The following NXPE2 variants were observed in gnomAD, a reference collection of about 807,000 sequenced individuals.
NXPE2 encodes the protein NXPE family member 2.
A neutral mutation model predicts 34.4 loss-of-function variants in NXPE2; 34 were observed. The ratio of observed to expected loss-of-function variants is 0.99; its 90% CI spans 0.75 to 1.31. The LOEUF (loss-of-function observed/expected upper bound fraction) is 1.31. Among genes scored for constraint, NXPE2 ranks in the 40% most tolerant of loss-of-function variants. NXPE2 has a pLI of 0.00. For missense variants in NXPE2, 649 were observed against 672.5 expected, an observed-to-expected ratio of 0.97 and a Z score of 0.39; for synonymous variants, 235 against 231.3, an observed-to-expected ratio of 1.02 and a Z score of -0.15.
At chr11:114,558,214 GTA>G in the NXPE2 span, among the ~76,000 whole-genome samples, 1 of 151,706 alleles carries the variant, frequency 6.6e-6, no homozygotes. Context: ...ATGTGTGTGT[GTA>G]TATATATATC....
chr11:114,515,029 C>T, the NXPE2 span, among the ~76,000 whole-genome samples: 1 of 151,978 alleles, frequency 6.6e-6, no homozygotes, highest in Non-Finnish European at 1.5e-5. Flanking sequence ...TCTGTATTGT[C>T]ATAGTATATA....
chr11:114,618,501 T>C, the NXPE2 span, among the ~76,000 whole-genome samples: 1 of 151,864 alleles, frequency 6.6e-6, no homozygotes, highest in Non-Finnish European at 1.5e-5. Flanking sequence ...GCCTCGTAGG[T>C]AACCACTGTT....
At chr11:114,606,765 G>A in the NXPE2 span, among the ~76,000 whole-genome samples, 1 of 151,884 alleles carries the variant, frequency 6.6e-6, no homozygotes, top group African/African-American at 2.4e-5. Context: ...TACCACAGGG[G>A]TAACCACTAT....
At chr11:114,605,593 G>A in the NXPE2 span, among the ~76,000 whole-genome samples, 15 of 151,530 alleles carry the variant, frequency 9.9e-5, no homozygotes, top group East Asian at 1.8e-3. Flanking sequence ...TTGCCTCGTC[G>A]GTAACCACTG....
At chr11:114,709,571 CA>C (rs1238095123), downstream of NXPE2, among the ~76,000 whole-genome samples, 1 of 152,120 alleles carries the variant, frequency 6.6e-6, no homozygotes, top group African/African-American at 2.4e-5. Context: ...AAACCTCTTT[CA>C]AAAACCCATT....
rs1220276191 is a variant in NXPE2, at chr11:114,706,641, G to A, written c.1391G>A (p.Arg464His). The change falls in exon 6 of 6, where the codon CGT becomes CAT. Residue 464 changes from arginine to histidine, a missense_variant. By Grantham distance (29) the Arg-to-His change is conservative. Coordinates refer to ENST00000389586, the MANE Select transcript of NXPE2 (RefSeq NM_182495.6). ...CCCTTTCCCATCAACATTTTCATCC[G>A]TAGGGCCATCAATATTCAAAAGGCC... ...FRPFPINIFI[R>H]RAINIQKAIE... 14 of 1,551,850 alleles carry A rather than the reference G, an allele frequency of 9.0e-6. No individual in the cohort carries two copies. Among genetic ancestry groups the A allele is most frequent in the East Asian group, 2.4e-5 (1 of 41,056 alleles).
the NXPE2 span, among the ~76,000 whole-genome samples, chr11:114,501,754 G>T: frequency 6.6e-6 from 1 of 152,274 alleles, no homozygotes; most frequent in East Asian, 1.9e-4. Flanking sequence ...TTGGAGGTAA[G>T]AAGGGCTTTG....
the NXPE2 span, among the ~76,000 whole-genome samples, chr11:114,727,666 T>C: frequency 6.6e-6 from 1 of 151,952 alleles, no homozygotes; most frequent in Non-Finnish European, 1.5e-5. Flanking sequence ...CTTTTAGATA[T>C]ACTTATTAGC....
chr11:114,679,414 T>C (rs1282441415), intron 1 of NXPE2, among the ~76,000 whole-genome samples: 2 of 152,074 alleles, frequency 1.3e-5, no homozygotes, highest in African/African-American at 2.4e-5. Context: ...CAGTATGTGA[T>C]ATGATTCGAA....
chr11:114,493,147 TG>T, the NXPE2 span, among the ~76,000 whole-genome samples: 3 of 152,226 alleles, frequency 2.0e-5, no homozygotes, highest in African/African-American at 7.2e-5. Context: ...AAAACTTTTT[TG>T]GTTTCCATTA....
At chr11:114,547,245 C>T in the NXPE2 span, among the ~76,000 whole-genome samples, 1 of 152,130 alleles carries the variant, frequency 6.6e-6, no homozygotes, top group Non-Finnish European at 1.5e-5. Context: ...CAGCATGCAT[C>T]CTTGATGTGA....
chr11:114,785,433 GAAT>G, the NXPE2 span, among the ~76,000 whole-genome samples: 6 of 152,210 alleles, frequency 3.9e-5, no homozygotes, highest in Middle Eastern at 3.4e-3. Flanking sequence ...TGAGTAATCT[GAAT>G]AATAATAATG....
chr11:114,709,522 C>G (rs1395481306), downstream of NXPE2, among the ~76,000 whole-genome samples: 1 of 152,122 alleles, frequency 6.6e-6, no homozygotes, highest in Non-Finnish European at 1.5e-5. Flanking sequence ...CTTGAGCAAG[C>G]CATTTGAAAT....
At chr11:114,811,809 G>T in the NXPE2 span, among the ~76,000 whole-genome samples, 1 of 152,180 alleles carries the variant, frequency 6.6e-6, no homozygotes, top group Non-Finnish European at 1.5e-5. Context: ...GTTAGTATGG[G>T]TTGCATCCTT....
At chr11:114,786,541 G>A in the NXPE2 span, among the ~76,000 whole-genome samples, 1 of 152,142 alleles carries the variant, frequency 6.6e-6, no homozygotes, top group Non-Finnish European at 1.5e-5. Flanking sequence ...GTCAGGCTGA[G>A]GAGTACAGGT....
At chr11:114,685,124 GA>G (rs1475906959) in intron 2 of NXPE2, among the ~76,000 whole-genome samples, 1 of 152,052 alleles carries the variant, frequency 6.6e-6, no homozygotes, top group African/African-American at 2.4e-5. Context: ...AGGGTCTTCT[GA>G]AAAAATATAT....
chr11:114,584,323 G>A, the NXPE2 span: 1 of 492,938 alleles, frequency 2.0e-6, no homozygotes, highest in Admixed American at 2.2e-5. Context: ...GAACACTAAT[G>A]AGTACCTGGA....
downstream of NXPE2, among the ~76,000 whole-genome samples, chr11:114,708,858 A>G (rs1408401178): frequency 2.0e-5 from 3 of 152,220 alleles, no homozygotes; most frequent in Admixed American, 6.5e-5. Context: ...TCGTTTTCCC[A>G]TGAAGACCAT....
chr11:114,801,183 A>G, the NXPE2 span, among the ~76,000 whole-genome samples: 2 of 152,088 alleles, frequency 1.3e-5, no homozygotes, highest in African/African-American at 4.8e-5. Context: ...AAATATAAAG[A>G]AAAAAGGAAA....
Sources: gnomAD v4.1 joint callset for allele counts (sites outside exome capture counted in the v4.1 genomes callset) on GRCh38, gnomAD v4.1.1 for gene constraint, MANE v1.5 for transcripts, NCBI Gene and HGNC (gene_info 2026-07-23, HGNC 2026-07-21) for gene names.